The following ARMCX4 variants were observed in gnomAD, a reference collection of about 807,000 sequenced individuals.
ARMCX4 encodes armadillo repeat-containing X-linked protein 4.
In ARMCX4, 3 loss-of-function variants were observed where a neutral mutation model predicts 34.7. That is an observed-to-expected ratio of 0.09 (90% CI 0.04 to 0.22). The LOEUF is 0.22. Among genes scored for constraint, ARMCX4 ranks in the 10% least tolerant of loss-of-function variants. ARMCX4 has a pLI of 1.00. For missense variants in ARMCX4, 1,448 were observed against 1,720.8 expected, an observed-to-expected ratio of 0.84 and a Z score of 2.81; for synonymous variants, 513 against 632.8, an observed-to-expected ratio of 0.81 and a Z score of 2.84.
chrX:101,532,241 G>C lies in ARMCX4; in HGVS notation c.*2149+229G>C, dbSNP rs939117945. The C allele has an allele frequency of 3.6e-5, 4 of 111,734 alleles. No homozygotes were observed. The East Asian group carries it at 1.1e-3, about 31-fold the overall frequency. 9.2% of individuals were successfully genotyped at this position (111,734 alleles called of 1,213,427 possible). On this transcript the variant is annotated intron_variant and NMD_transcript_variant, in intron 12 of 12. Transcript: ENST00000354842. ...GTTACACAGGACTAGGAATAAAGAA[G>C]TCATGAAAGCAGTGGCCCTTTTCAC...
intron 11 of ARMCX4, among the ~76,000 whole-genome samples, chrX:101,512,762 A>G (rs1227029470): frequency 2.8e-5 from 3 of 106,332 alleles, no homozygotes; most frequent in African/African-American, 1.0e-4. Flanking sequence ...ATACATACAT[A>G]TATATACACA....
chrX:101,436,797 T>A (rs1345050413), intron 2 of ARMCX4, among the ~76,000 whole-genome samples: 3 of 111,753 alleles, frequency 2.7e-5, no homozygotes, highest in Non-Finnish European at 5.6e-5. Flanking sequence ...TAGATAGCTC[T>A]TATTATTTTG....
downstream of ARMCX4, among the ~76,000 whole-genome samples, chrX:101,499,599 T>C (rs1934251657): frequency 1.8e-5 from 2 of 111,998 alleles, no homozygotes; most frequent in South Asian, 7.5e-4. Context: ...ATGATGCCTC[T>C]GAAACAATAG....
At chrX:101,476,662 G>A (rs1378713343) in intron 4 of ARMCX4, among the ~76,000 whole-genome samples, 1 of 111,181 alleles carries the variant, frequency 9.0e-6, no homozygotes, top group Non-Finnish European at 1.9e-5. Flanking sequence ...AGATGAGAAT[G>A]GAAATAAACC....
At chrX:101,438,432 G>A (rs1186852930) in intron 2 of ARMCX4, among the ~76,000 whole-genome samples, 3 of 110,913 alleles carry the variant, frequency 2.7e-5, no homozygotes, top group African/African-American at 9.9e-5. Flanking sequence ...AGGTATGGTG[G>A]TGGGCACCTG....
intron 11 of ARMCX4, among the ~76,000 whole-genome samples, chrX:101,522,957 G>C (rs1934883816): frequency 9.0e-6 from 1 of 111,645 alleles, no homozygotes; most frequent in African/African-American, 3.3e-5. Flanking sequence ...TGCATGTATT[G>C]GCAGAACAGC....
intron 2 of ARMCX4, among the ~76,000 whole-genome samples, chrX:101,435,243 C>T (rs1930635267): frequency 8.9e-6 from 1 of 112,183 alleles, no homozygotes; most frequent in East Asian, 2.8e-4. Flanking sequence ...AACTAGTTTA[C>T]ATTCCCACCA....
At position 101,490,467 on chromosome X, in the gene ARMCX4, C is replaced by T. The variant is rs1226272218; in HGVS notation, c.1878C>T (p.Asp626=). The change falls in exon 6 of 6, where the codon GAC becomes GAT. Residue 626 remains aspartate (D), a synonymous_variant. Coordinates refer to ENST00000423738, the MANE Select transcript of ARMCX4 (RefSeq NM_001256155.3). ...LKVGAGEGTT[D]SAQPEAVVSF... The stretch of plus-strand genomic sequence containing the variant: ...TGGGGGCTGGAGAAGGTACAACAGA[C>T]TCTGCCCAGCCTGAGGCAGTGGTCA... 7 of 1,153,483 alleles carry T rather than the reference C, an allele frequency of 6.1e-6. No homozygotes were observed. The highest frequency in any genetic ancestry group is 8.0e-6 in the Non-Finnish European group (7 of 872,380).
intron 4 of ARMCX4, among the ~76,000 whole-genome samples, chrX:101,473,710 TG>T (rs1185600951): frequency 9.8e-6 from 1 of 101,560 alleles, no homozygotes; most frequent in African/African-American, 3.6e-5. Context: ...GAATGACTAC[TG>T]GATACATAAC....
chrX:101,459,280 A>G (rs1932492135), intron 4 of ARMCX4, among the ~76,000 whole-genome samples: 1 of 112,085 alleles, frequency 8.9e-6, no homozygotes, highest in Non-Finnish European at 1.9e-5. Context: ...GACTACCTTC[A>G]GATCTTCTCT....
Position 101,495,530 on chromosome X carries a change from G to A in ARMCX4, c.*68G>A, listed in dbSNP as rs189154296. 62 of 1,030,369 alleles carry A rather than the reference G, an allele frequency of 6.0e-5. No individual in the cohort carries two copies. The Middle Eastern group carries it at 1.0e-3, about 17-fold the overall frequency. The allele number at this position is 1,030,369 out of a possible 1,213,427, so 84.9% of individuals were successfully genotyped here. A position where few individuals can be genotyped will look rare whatever the true frequency, so the allele number is the denominator to read the frequency against. ...TTGCACTCTGGAAGTAATGCACATT[G>A]TAAATTGCATTATAACTTTGAAACT... On this transcript the variant is annotated 3_prime_UTR_variant, in exon 6 of 6. Coordinates refer to ENST00000423738, the MANE Select transcript of ARMCX4 (RefSeq NM_001256155.3).
intron 4 of ARMCX4, among the ~76,000 whole-genome samples, chrX:101,469,745 C>T (rs1485412642): frequency 9.0e-6 from 1 of 110,939 alleles, no homozygotes; most frequent in Non-Finnish European, 1.9e-5. Context: ...AGGTGGGACT[C>T]TACTCCAGGG....
At chrX:101,433,001 T>TATACACATATGTATACATACAC (rs1569314946) in intron 2 of ARMCX4, among the ~76,000 whole-genome samples, 4 of 57,800 alleles carry the variant, frequency 6.9e-5, no homozygotes, top group South Asian at 6.6e-4. Flanking sequence ...TATACATATA[T>TATACACATATGTATACATACAC]GTGTATATAT....
intron 11 of ARMCX4, among the ~76,000 whole-genome samples, chrX:101,512,830 A>ATG (rs1569345541): frequency 3.4e-5 from 3 of 88,761 alleles, no homozygotes; most frequent in African/African-American, 1.4e-4. Context: ...ATATATACAC[A>ATG]TATATATATG....
In ARMCX4 at chrX:101,490,412, T is replaced by G. The variant is rs890090014; in HGVS notation, c.1823T>G (p.Val608Gly). 8.7e-7 allele frequency: 1 copy of G among 1,153,818 alleles called. No homozygotes were observed. Among genetic ancestry groups the G allele is most frequent in the Non-Finnish European group, 1.1e-6 (1 of 872,176 alleles). ...GEALPGAKNK[V>G]KGNPHTVLKV... ...GCCTTGCCTGGTGCCAAGAATAAAG[T>G]CAAGGGCAATCCCCATACTGTGCTT... Residue 608 changes from valine (V) to glycine (G), a missense_variant, in exon 6 of 6, where the codon GTC becomes GGC. Val to Gly is a moderately radical substitution (Grantham distance 109). Around this residue, in one of 2 missense-constraint regions of ARMCX4, gnomAD observed 1,343 missense variants for 1,540.7 expected, o/e 0.87. Transcript: ENST00000423738.
intron 2 of ARMCX4, among the ~76,000 whole-genome samples, chrX:101,420,156 G>A (rs1929149381): frequency 9.0e-6 from 1 of 111,546 alleles, no homozygotes; most frequent in Admixed American, 9.5e-5. Flanking sequence ...TCAGGAGTTC[G>A]AGACGAGCCT....
intron 2 of ARMCX4, among the ~76,000 whole-genome samples, chrX:101,433,166 A>G (rs1328940802): frequency 9.3e-6 from 1 of 107,245 alleles, no homozygotes; most frequent in Non-Finnish European, 1.9e-5. Context: ...ATATGTATAC[A>G]TACATGTGTA....
At chrX:101,528,365 A>G (rs1004175821) in intron 11 of ARMCX4, among the ~76,000 whole-genome samples, 7 of 112,101 alleles carry the variant, frequency 6.2e-5, no homozygotes, top group Non-Finnish European at 1.3e-4. Flanking sequence ...TGATAAAGCC[A>G]CAGCCAATGT....
downstream of ARMCX4, among the ~76,000 whole-genome samples, chrX:101,500,219 T>C (rs1217801980): frequency 9.0e-6 from 1 of 111,111 alleles, no homozygotes; most frequent in African/African-American, 3.3e-5. Context: ...GGGTTCACAG[T>C]GGGCCCACTG....
Sources: allele counts gnomAD v4.1 joint callset (sites outside exome capture counted in the v4.1 genomes callset), GRCh38; gene constraint gnomAD v4.1.1; regional missense constraint gnomAD v4.1.1; transcripts MANE v1.5; gene names NCBI Gene and HGNC (gene_info 2026-07-23, HGNC 2026-07-21).